The following SHCBP1 variants were observed in gnomAD, a reference collection of about 807,000 sequenced individuals.
SHCBP1 encodes SHC binding and spindle associated 1, also known as SHC SH2 domain-binding protein 1.
A neutral mutation model predicts 75.1 loss-of-function variants in SHCBP1; 60 were observed. The observed-to-expected ratio is 0.80, with a 90% CI of 0.65 to 0.99. The LOEUF is 0.99. Among genes scored for constraint, SHCBP1 ranks in the 50% least tolerant of loss-of-function variants. The probability of loss-of-function intolerance (pLI) is 0.00; values close to 1 mark genes in which losing one functional copy is unlikely to be tolerated. For synonymous variants in SHCBP1, 290 were observed against 293.2 expected (o/e 0.99, Z 0.11); for missense variants, 709 against 809.4 (o/e 0.88, Z 1.50).
At position 46,599,894 on chromosome 16, in the gene SHCBP1, C is replaced by G. The variant is rs1236933520; in HGVS notation, c.1282G>C (p.Gly428Arg). 1.9e-6 allele frequency: 3 copies of G among 1,613,234 alleles called. No homozygotes were observed. The highest frequency in any genetic ancestry group is 2.5e-6 in the Non-Finnish European group (3 of 1,179,794). Residue 428 changes from glycine (G) to arginine (R), a missense_variant, in exon 9 of 13, where the codon GGT becomes CGT. By Grantham distance (125) the Gly-to-Arg change is moderately radical. Coordinates refer to ENST00000303383, the MANE Select transcript of SHCBP1 (RefSeq NM_024745.5). ...ATGCCTGAGATTTTAATATCAGCAC[C>G]AGTGCAGTCCACAAAAGTGTCGCCT... ...GKGDTFVDCT[G>R]ADIKISGIKF... is the part of the protein sequence containing the mutation.
chr16:46,594,864 A>G (rs892862584), intron 10 of SHCBP1, among the ~76,000 whole-genome samples: 4 of 152,208 alleles, frequency 2.6e-5, no homozygotes, highest in Admixed American at 2.6e-4. Context: ...ACAAGTGACA[A>G]AACAAACCGT....
At chr16:46,598,837 G>A (rs1452352555) in intron 9 of SHCBP1, among the ~76,000 whole-genome samples, 1 of 152,208 alleles carries the variant, frequency 6.6e-6, no homozygotes, top group Non-Finnish European at 1.5e-5. Flanking sequence ...ACCTTAGCTA[G>A]ATCTTCTGGT....
At chr16:46,613,175 A>G (rs1479942116) in intron 4 of SHCBP1, among the ~76,000 whole-genome samples, 1 of 152,118 alleles carries the variant, frequency 6.6e-6, no homozygotes, top group Non-Finnish European at 1.5e-5. Flanking sequence ...TTGTTAAAAA[A>G]CTAGCTGGCT....
Position 46,621,305 on chromosome 16 carries a change from C to T in SHCBP1, c.55G>A (p.Glu19Lys), listed in dbSNP as rs1221655735. 3 of 1,611,198 alleles carry T rather than the reference C, an allele frequency of 1.9e-6. No individual in the cohort carries two copies. Among genetic ancestry groups the T allele is most frequent in the African/African-American group, 1.3e-5 (1 of 75,026 alleles). Residue 19 changes from glutamate (E) to lysine (K), a missense_variant, in exon 1 of 13, where the codon GAG becomes AAG. Glu to Lys is a moderately conservative substitution (Grantham distance 56, BLOSUM62 1). Coordinates refer to ENST00000303383, the MANE Select transcript of SHCBP1 (RefSeq NM_024745.5). ...TGCTCCACCGCCCAGCCCATGCGCT[C>T]CGGCGCCATGGCCGCTGCCTCCAGA... Reference protein sequence around the residue: ...GGLEAAAMAPERMGWAVEQEL... With the variant: ...GGLEAAAMAPKRMGWAVEQEL...
intron 4 of SHCBP1, among the ~76,000 whole-genome samples, chr16:46,611,866 A>G (rs1965421251): frequency 6.6e-6 from 1 of 152,252 alleles, no homozygotes; most frequent in Non-Finnish European, 1.5e-5. Flanking sequence ...TGGTTGCAGC[A>G]GTCATCGATG....
At position 46,616,783 on chromosome 16, in the gene SHCBP1, C is replaced by CT. The variant is rs1040701580; in HGVS notation, c.388-630dup. Among the ~76,000 whole-genome samples, 6 of 152,162 alleles carry CT rather than the reference C, an allele frequency of 3.9e-5. No individual in the cohort carries two copies. The highest frequency in any genetic ancestry group is 1.4e-4 in the African/African-American group (6 of 41,440). On this transcript the variant is annotated intron_variant, in intron 3 of 12. Coordinates refer to ENST00000303383, the MANE Select transcript of SHCBP1 (RefSeq NM_024745.5). This position sits in a 1 kb window ranked among gnomAD's most constrained non-coding sequence, Gnocchi z 4.4. Reference sequence around the variant, plus strand: ...GCATGCTTCTGTTTTAAAACAATGACTTTCATTGTTTTCGGAGAACTGATT... The same window carrying CT: ...GCATGCTTCTGTTTTAAAACAATGACTTTTCATTGTTTTCGGAGAACTGATT...
chr16:46,604,812 A>G (rs1475175200), intron 5 of SHCBP1, among the ~76,000 whole-genome samples: 1 of 152,212 alleles, frequency 6.6e-6, no homozygotes, highest in Non-Finnish European at 1.5e-5. Context: ...CAAAAGCTTA[A>G]TAAGAAGGTG....
chr16:46,607,992 A>G (rs1965349739), intron 5 of SHCBP1, among the ~76,000 whole-genome samples: 1 of 152,240 alleles, frequency 6.6e-6, no homozygotes, highest in African/African-American at 2.4e-5. Context: ...ATTTTATTCA[A>G]ATTAACAAAA....
Position 46,583,520 on chromosome 16 carries a change from A to G in SHCBP1, c.1689T>C (p.Thr563=). The stretch of plus-strand genomic sequence containing the variant: ...ATTAAAAATTACTAAATATACCTTC[A>G]GTTCCATCTTCAGCATTTTCTTGCA... ...SDLQENAEDG[T]EENKALKIQT... The change falls in exon 12 of 13, where the codon ACT becomes ACC. Residue 563 remains threonine, a synonymous_variant. Coordinates refer to ENST00000303383, the MANE Select transcript of SHCBP1 (RefSeq NM_024745.5). The G allele has an allele frequency of 6.3e-7, 1 of 1,591,344 alleles. No individual in the cohort carries two copies. The highest frequency in any genetic ancestry group is 8.5e-7 in the Non-Finnish European group (1 of 1,174,824).
At chr16:46,586,109 T>C (rs1964951530) in intron 10 of SHCBP1, among the ~76,000 whole-genome samples, 1 of 152,160 alleles carries the variant, frequency 6.6e-6, no homozygotes. Context: ...CAGGAAAATG[T>C]CAAAATGAAT....
Position 46,621,243 on chromosome 16 carries a change from C to A in SHCBP1, c.103+14G>T. The A allele has an allele frequency of 6.2e-7, 1 of 1,601,856 alleles. No homozygotes were observed. Among genetic ancestry groups the A allele is most frequent in the Non-Finnish European group, 8.5e-7 (1 of 1,174,866 alleles). ...CTCAGAGGCGGCTCCTCGGCCCCGG[C>A]ATGGAGAGCTCACCTTTCTCCAGAG... On this transcript the variant is annotated intron_variant, in intron 1 of 12. Transcript: ENST00000303383.
chr16:46,619,628 A>G (rs536187176), intron 1 of SHCBP1, among the ~76,000 whole-genome samples: 1 of 152,342 alleles, frequency 6.6e-6, no homozygotes, highest in South Asian at 2.1e-4. Context: ...CATAATGTAT[A>G]TGTTTGTTAA....
intron 8 of SHCBP1, 95 bp downstream of exon 8, chr16:46,603,443 CA>C (rs1343035875): frequency 1.9e-6 from 3 of 1,548,500 alleles, no homozygotes; most frequent in Non-Finnish European, 2.6e-6. Context: ...CAAATGGGTT[CA>C]AATCACATTC....
Position 46,616,761 on chromosome 16 carries a change from T to A in SHCBP1, c.388-607A>T, listed in dbSNP as rs749907372. Among the ~76,000 whole-genome samples, 13 of 152,362 alleles carry A rather than the reference T, an allele frequency of 8.5e-5. No homozygotes were observed. The highest frequency in any genetic ancestry group is 1.5e-4 in the Non-Finnish European group (10 of 68,034). Reference sequence around the variant, plus strand: ...AGGAGTTTTAAGCAGAGAAATGGCATGCTTCTGTTTTAAAACAATGACTTT... The same window carrying A: ...AGGAGTTTTAAGCAGAGAAATGGCAAGCTTCTGTTTTAAAACAATGACTTT... On this transcript the variant is annotated intron_variant, in intron 3 of 12. Transcript: ENST00000303383. The surrounding 1 kb of genome is among the most constrained non-coding windows in gnomAD (Gnocchi z 4.4).
chr16:46,621,345 C>A lies in SHCBP1; in HGVS notation c.15G>T (p.Ser5=), dbSNP rs771455106. The change falls in exon 1 of 13, where the codon TCG becomes TCT. Residue 5 remains serine, a synonymous_variant. Transcript: ENST00000303383. ...CTGCCTCCAGACCGCCGCCCGTCAG[C>A]GACCCGTCAGCCATTTCAAATTTCC... is the stretch of plus-strand genomic sequence containing the variant. MADG[S]LTGGGLEAAA... The A allele has an allele frequency of 6.2e-7, 1 of 1,611,208 alleles. No homozygotes were observed. The highest frequency in any genetic ancestry group is 1.1e-5 in the South Asian group (1 of 90,978).
chr16:46,616,797 G>A lies in SHCBP1; in HGVS notation c.388-643C>T, dbSNP rs72816848. Among the ~76,000 whole-genome samples the A allele has an allele frequency of 3.6e-3, 541 of 152,238 alleles. 11 individuals are homozygous for A. The South Asian group carries it at 0.06, about 17-fold the overall frequency. Reference sequence around the variant, plus strand: ...TAAAACAATGACTTTCATTGTTTTCGGAGAACTGATTGGCGGGGGGGCACT... The same window carrying A: ...TAAAACAATGACTTTCATTGTTTTCAGAGAACTGATTGGCGGGGGGGCACT... On this transcript the variant is annotated intron_variant, in intron 3 of 12. Coordinates refer to ENST00000303383, the MANE Select transcript of SHCBP1 (RefSeq NM_024745.5). This position sits in a 1 kb window ranked among gnomAD's most constrained non-coding sequence, Gnocchi z 4.4.
chr16:46,608,907 C>A (rs1369243140), intron 4 of SHCBP1, among the ~76,000 whole-genome samples: 1 of 151,980 alleles, frequency 6.6e-6, no homozygotes, highest in Non-Finnish European at 1.5e-5. Flanking sequence ...CCAGGACTTT[C>A]TTTTTATTGG....
intron 4 of SHCBP1, among the ~76,000 whole-genome samples, chr16:46,614,808 A>G (rs1277124422): frequency 6.6e-6 from 1 of 152,236 alleles, no homozygotes; most frequent in Non-Finnish European, 1.5e-5. Context: ...CTTAACATCC[A>G]CAACTTTTAA....
chr16:46,601,747 T>C (rs1311756927), intron 8 of SHCBP1, among the ~76,000 whole-genome samples: 1 of 152,200 alleles, frequency 6.6e-6, no homozygotes, highest in Non-Finnish European at 1.5e-5. Flanking sequence ...ATCAGAAAAA[T>C]TAAAAGTACA....
Sources: gnomAD v4.1 joint callset for allele counts (sites outside exome capture counted in the v4.1 genomes callset) on GRCh38, gnomAD v4.1.1 for gene constraint, Gnocchi (gnomAD v3.1) non-coding constraint, MANE v1.5 for transcripts, NCBI Gene and HGNC (gene_info 2026-07-23, HGNC 2026-07-21) for gene names.